Variants in CHRM3 observed in about 807,000 individuals in gnomAD.
The protein encoded by CHRM3 is cholinergic receptor muscarinic 3.
Under a neutral mutation model 41.8 loss-of-function variants are expected in CHRM3, and 11 were observed. The ratio of observed to expected loss-of-function variants is 0.26; its 90% confidence interval spans 0.17 to 0.44. CHRM3 has a LOEUF of 0.44. Ranked by LOEUF, CHRM3 falls within the 20% of genes least tolerant of loss-of-function variation. The pLI, the probability that CHRM3 is intolerant of heterozygous loss-of-function variation, is 1.00. For synonymous variants in CHRM3, 297 were observed against 301.4 expected (o/e 0.99, Z 0.15); for missense variants, 571 against 745.4 (o/e 0.77, Z 2.72).
intron 6 of CHRM3, among the ~76,000 whole-genome samples, chr1:239,831,696 T>C (rs969124159): frequency 2.0e-5 from 3 of 152,166 alleles, no homozygotes; most frequent in Non-Finnish European, 2.9e-5. Flanking sequence ...GAAGTTCAGT[T>C]GCACATGTGA....
intron 4 of CHRM3, among the ~76,000 whole-genome samples, chr1:239,654,378 C>T (rs1201476067): frequency 6.6e-6 from 1 of 152,108 alleles, no homozygotes. Context: ...TCTTACTTTT[C>T]CTATGATGAA....
intron 4 of CHRM3, among the ~76,000 whole-genome samples, chr1:239,641,522 G>T (rs61438211): frequency 0.35 from 47,840 of 137,106 alleles, 8,098 homozygotes; most frequent in African/African-American, 0.42. Flanking sequence ...TTATGTAATG[G>T]CCTTCTTTGT....
At chr1:239,759,137 T>C (rs984369266) in intron 5 of CHRM3, among the ~76,000 whole-genome samples, 1 of 151,318 alleles carries the variant, frequency 6.6e-6, no homozygotes, top group African/African-American at 2.4e-5. Flanking sequence ...CTTGAGCATT[T>C]TCCCCCCTGA....
chr1:239,506,492 GT>G (rs1197758096), intron 2 of CHRM3, among the ~76,000 whole-genome samples: 1 of 152,162 alleles, frequency 6.6e-6, no homozygotes, highest in Non-Finnish European at 1.5e-5. Flanking sequence ...AATAATGGAG[GT>G]TTGGGAACTT....
chr1:239,663,037 TTTC>T (rs779258660), intron 4 of CHRM3, among the ~76,000 whole-genome samples: 11 of 151,796 alleles, frequency 7.2e-5, no homozygotes, highest in Non-Finnish European at 1.5e-4. Context: ...TCTTCTTCTT[TTTC>T]TTCTGTTTTT....
intron 4 of CHRM3, among the ~76,000 whole-genome samples, chr1:239,653,796 T>C (rs1304766798): frequency 6.6e-6 from 1 of 152,114 alleles, no homozygotes; most frequent in East Asian, 1.9e-4. Context: ...GAGTCAAGAC[T>C]TTTATGGTTG....
chr1:239,408,536 A>AAAAC (rs1660814601), intron 1 of CHRM3, among the ~76,000 whole-genome samples: 1 of 148,284 alleles, frequency 6.7e-6, no homozygotes, highest in African/African-American at 2.5e-5. Flanking sequence ...AAAAAAAAAA[A>AAAAC]AAAAAAAACT....
intron 6 of CHRM3, among the ~76,000 whole-genome samples, chr1:239,853,377 G>C (rs1304211524): frequency 6.6e-6 from 1 of 151,826 alleles, no homozygotes; most frequent in Non-Finnish European, 1.5e-5. Flanking sequence ...CCAACATCTT[G>C]AAATAGTCTT....
intron 2 of CHRM3, among the ~76,000 whole-genome samples, chr1:239,532,707 T>G (rs1297278183): frequency 6.6e-6 from 1 of 151,206 alleles, no homozygotes; most frequent in Non-Finnish European, 1.5e-5. Flanking sequence ...AAAAATGTAA[T>G]GAAAACTAGA....
At chr1:239,667,241 C>T (rs190901813) in intron 4 of CHRM3, among the ~76,000 whole-genome samples, 91 of 152,274 alleles carry the variant, frequency 6.0e-4, no homozygotes, top group African/African-American at 2.0e-3. Context: ...AAAATCCATA[C>T]ACACATACAC....
chr1:239,667,723 C>T (rs1416988911), intron 4 of CHRM3, among the ~76,000 whole-genome samples: 5 of 152,282 alleles, frequency 3.3e-5, no homozygotes, highest in Non-Finnish European at 4.4e-5. Context: ...TACAGGCTTT[C>T]GGATGTTTTT....
chr1:239,912,913 C>G lies in CHRM3; in HGVS notation c.*3689C>G, dbSNP rs1276199630. The G allele has an allele frequency of 1.2e-5, 2 of 167,066 alleles. No homozygotes were observed. The highest frequency in any genetic ancestry group is 4.8e-5 in the African/African-American group (2 of 41,446). The allele number at this position is 167,066 out of a possible 1,614,324, so 10.3% of individuals were successfully genotyped here. A position where few individuals can be genotyped will look rare whatever the true frequency, so the allele number is the denominator to read the frequency against. ...GTTTGGTCACTGCTTAGTTACATGT[C>G]CTTAGGAATGCTTGTCACTTAACCT... On this transcript the variant is annotated 3_prime_UTR_variant, in exon 7 of 7. Coordinates refer to ENST00000676153, the MANE Select transcript of CHRM3 (RefSeq NM_001375978.1).
chr1:239,909,476 G>A lies in CHRM3; in HGVS notation c.*252G>A, dbSNP rs571724452. On this transcript the variant is annotated 3_prime_UTR_variant, in exon 7 of 7. Transcript: ENST00000676153. Reference sequence around the variant, plus strand: ...AAATTTATTCTGAAATAGACTTTACGTGTTTTTTTCTTAAAGAGGAGAAAA... The same window carrying A: ...AAATTTATTCTGAAATAGACTTTACATGTTTTTTTCTTAAAGAGGAGAAAA... 4.7e-5 allele frequency: 18 copies of A among 385,600 alleles called. No individual in the cohort carries two copies. Among genetic ancestry groups the A allele is most frequent in the African/African-American group, 8.4e-5 (4 of 47,584 alleles). 23.9% of individuals were successfully genotyped at this position (385,600 alleles called of 1,614,324 possible).
chr1:239,697,183 G>A (rs889259886), intron 5 of CHRM3, among the ~76,000 whole-genome samples: 3 of 152,162 alleles, frequency 2.0e-5, no homozygotes, highest in South Asian at 2.1e-4. Flanking sequence ...ATTCCCACGT[G>A]TTGTGGGAGG....
At chr1:239,743,795 T>C (rs866056883) in intron 5 of CHRM3, among the ~76,000 whole-genome samples, 9 of 131,958 alleles carry the variant, frequency 6.8e-5, no homozygotes, top group South Asian at 2.8e-4. Flanking sequence ...TTTCTTTTTT[T>C]TTTTTTTTTT....
At chr1:239,574,942 G>T (rs996895091) in intron 3 of CHRM3, among the ~76,000 whole-genome samples, 5 of 152,008 alleles carry the variant, frequency 3.3e-5, no homozygotes, top group African/African-American at 1.2e-4. Context: ...TTGAATGGAG[G>T]TAACAATCTT....
At chr1:239,401,825 G>C (rs1325444878) in intron 1 of CHRM3, among the ~76,000 whole-genome samples, 1 of 151,988 alleles carries the variant, frequency 6.6e-6, no homozygotes, top group Non-Finnish European at 1.5e-5. Context: ...TTATCTAATG[G>C]AGGCCTCTTA....
intron 2 of CHRM3, among the ~76,000 whole-genome samples, chr1:239,533,081 T>C (rs6676678): frequency 0.55 from 83,039 of 151,964 alleles, 22,857 homozygotes; most frequent in Middle Eastern, 0.7. Flanking sequence ...CTCAAGTTTT[T>C]GTCTTTTTTT....
At chr1:239,743,788 C>CTTTTTTTTTTTTTTTT (rs10718514) in intron 5 of CHRM3, among the ~76,000 whole-genome samples, 197 of 81,174 alleles carry the variant, frequency 2.4e-3, no homozygotes, top group East Asian at 2.7e-3. Flanking sequence ...TTTTTTTTTT[C>CTTTTTTTTTTTTTTTT]TTTTTTTTTT....
Sources: allele counts gnomAD v4.1 joint callset (sites outside exome capture counted in the v4.1 genomes callset), GRCh38; gene constraint gnomAD v4.1.1; transcripts MANE v1.5; gene names NCBI Gene and HGNC (gene_info 2026-07-23, HGNC 2026-07-21).